Variants in SIK3 observed in about 807,000 individuals in gnomAD.
SIK3 encodes the protein serine/threonine-protein kinase SIK3.
A neutral mutation model predicts 144.2 loss-of-function variants in SIK3; 28 were observed. The ratio of observed to expected loss-of-function variants is 0.19; its 90% confidence interval spans 0.14 to 0.27. SIK3 has a LOEUF of 0.27. Ranked by LOEUF, SIK3 falls within the 10% of genes least tolerant of loss-of-function variation. The pLI, the probability that SIK3 is intolerant of heterozygous loss-of-function variation, is 1.00. For missense variants in SIK3, 1,319 were observed against 1,776.0 expected, an observed-to-expected ratio of 0.74 and a Z score of 4.62; for synonymous variants, 686 against 676.3, an observed-to-expected ratio of 1.01 and a Z score of -0.22.
rs188833611 is a variant in SIK3, at chr11:116,961,646, G to A, written c.274-4582C>T. Among the ~76,000 whole-genome samples, 330 of 152,242 alleles carry A rather than the reference G, an allele frequency of 2.2e-3. 1 individual carries two copies. The highest frequency in any genetic ancestry group is 3.5e-3 in the Non-Finnish European group (241 of 68,008). On this transcript the variant is annotated intron_variant, in intron 1 of 24. Coordinates refer to ENST00000445177, the MANE Select transcript of SIK3 (RefSeq NM_001366686.3). ...ACTTACATATGAAAATTATAACAAA[G>A]CAGAAAACTTCCAACATGTTACCAA... is the stretch of plus-strand genomic sequence containing the variant.
chr11:117,098,359 TC>T lies in SIK3; in HGVS notation c.56del (p.Gly19GlufsTer79), dbSNP rs1459648930. On this transcript the variant is annotated frameshift_variant, in exon 1 of 25. Transcript: ENST00000445177. LOFTEE classifies it high-confidence loss of function. ...GCAGCAGGCGGCCCGCGGGCCCGGC[TC>T]CCCCAGTCCCGGCCCCGGCAGCCCC... is the stretch of plus-strand genomic sequence containing the variant. ...AGGAAGAGTGGAGPAGRLLPP... is the reference protein window; with the variant it reads ...AGGAAGAGTGXAGPAGRLLPP... 8.7e-7 allele frequency: 1 copy of T among 1,151,442 alleles called. No homozygotes were observed. Among genetic ancestry groups the T allele is most frequent in the Non-Finnish European group, 1.1e-6 (1 of 941,252 alleles). 71.3% of individuals were successfully genotyped at this position (1,151,442 alleles called of 1,614,324 possible).
intron 6 of SIK3, among the ~76,000 whole-genome samples, chr11:116,895,239 C>A (rs1945334450): frequency 6.6e-6 from 1 of 152,182 alleles, no homozygotes; most frequent in Non-Finnish European, 1.5e-5. Context: ...CCCGCGGCCT[C>A]TGCGCTGACC....
In SIK3 at chr11:116,998,339, C is replaced by T. The variant is rs547972833; in HGVS notation, c.274-41275G>A. ...ACAAAAAATTAGCCAGGCATGGTGG[C>T]GCACGCCTGTAGTCCCAGCTACTCA... is the stretch of plus-strand genomic sequence containing the variant. On this transcript the variant is annotated intron_variant, in intron 1 of 24. Transcript: ENST00000445177. Among the ~76,000 whole-genome samples the T allele has an allele frequency of 4.3e-4, 66 of 151,810 alleles. 1 individual carries two copies. Among genetic ancestry groups the T allele is most frequent in the East Asian group, 1.9e-3 (10 of 5,142 alleles).
At chr11:117,039,344 CACTT>C (rs960429463) in intron 1 of SIK3, among the ~76,000 whole-genome samples, 5 of 152,154 alleles carry the variant, frequency 3.3e-5, no homozygotes, top group African/African-American at 1.2e-4. Flanking sequence ...GTCTTGAACT[CACTT>C]AAGTGATCCT....
chr11:116,988,505 C>A (rs1950397739), intron 1 of SIK3, among the ~76,000 whole-genome samples: 1 of 151,846 alleles, frequency 6.6e-6, no homozygotes, highest in Non-Finnish European at 1.5e-5. Flanking sequence ...ATTGGCCCAG[C>A]CAGTGGTGCT....
chr11:116,846,269 G>A lies in SIK3; in HGVS notation c.*13+114C>T, dbSNP rs1476609585. 9 of 1,061,214 alleles carry A rather than the reference G, an allele frequency of 8.5e-6. No individual in the cohort carries two copies. The Admixed American group carries it at 9.0e-5, about 11-fold the overall frequency. The allele number at this position is 1,061,214 out of a possible 1,614,324, so 65.7% of individuals were successfully genotyped here. A position where few individuals can be genotyped will look rare whatever the true frequency, so the allele number is the denominator to read the frequency against. On this transcript the variant is annotated intron_variant, in intron 24 of 24. Coordinates refer to ENST00000445177, the MANE Select transcript of SIK3 (RefSeq NM_001366686.3). The surrounding 1 kb of genome is among the most constrained non-coding windows in gnomAD (Gnocchi z 4.1). ...AACTGTGAAGGCCACGAGGGGAGGC[G>A]TGGTACTGTCGACTGCACTGGCCAC...
intron 3 of SIK3, among the ~76,000 whole-genome samples, chr11:116,938,577 G>A (rs189068989): frequency 0.044 from 603 of 13,796 alleles, 28 homozygotes; most frequent in African/African-American, 0.16. Flanking sequence ...GGAGGGGAGG[G>A]GAGGGGAGGA....
At chr11:117,093,307 C>T (rs1955327088) in intron 1 of SIK3, among the ~76,000 whole-genome samples, 2 of 152,156 alleles carry the variant, frequency 1.3e-5, no homozygotes, top group South Asian at 2.1e-4. Flanking sequence ...ACTTGTTCTC[C>T]TCATGGAAAT....
chr11:117,025,415 C>A (rs1010378890), intron 1 of SIK3, among the ~76,000 whole-genome samples: 2 of 152,154 alleles, frequency 1.3e-5, no homozygotes, highest in African/African-American at 4.8e-5. Context: ...GTTTCCTCAT[C>A]ACAAAATGTG....
chr11:117,057,002 T>G (rs1162460930), intron 1 of SIK3, among the ~76,000 whole-genome samples: 6 of 152,244 alleles, frequency 3.9e-5, no homozygotes, highest in African/African-American at 1.4e-4. Flanking sequence ...ACCATTTCTT[T>G]AGAGATAATT....
chr11:117,052,907 G>A (rs1165465211), intron 1 of SIK3, among the ~76,000 whole-genome samples: 1 of 152,176 alleles, frequency 6.6e-6, no homozygotes, highest in Non-Finnish European at 1.5e-5. Context: ...GGAGGACCTG[G>A]CACTTTATTC....
chr11:117,091,204 T>TC (rs1468067348), intron 1 of SIK3, among the ~76,000 whole-genome samples: 6 of 141,370 alleles, frequency 4.2e-5, no homozygotes, highest in East Asian at 4.0e-4. Context: ...TTTTTTCTTT[T>TC]TTTTTTTTTT....
At chr11:116,958,865 G>T (rs1949239889) in intron 1 of SIK3, among the ~76,000 whole-genome samples, 1 of 152,162 alleles carries the variant, frequency 6.6e-6, no homozygotes, top group Non-Finnish European at 1.5e-5. Flanking sequence ...ATCTGCTCCT[G>T]CTTCTCTCAG....
intron 4 of SIK3, among the ~76,000 whole-genome samples, chr11:116,905,535 TCCAA>T (rs1263653540): frequency 1.2e-4 from 18 of 152,212 alleles, no homozygotes; most frequent in African/African-American, 4.1e-4. Context: ...CAAACTGCTA[TCCAA>T]AGTGGCCGTA....
intron 9 of SIK3, 137 bp from the exon 10 acceptor site, chr11:116,875,588 CACA>C: frequency 2.1e-6 from 2 of 963,678 alleles, no homozygotes; most frequent in Non-Finnish European, 3.0e-6. Flanking sequence ...CCTTAGAAGT[CACA>C]ACAAGGAAGC....
Position 116,846,304 on chromosome 11 carries a change from TG to T in SIK3, c.*13+78del. ...CGACTGCACTGGCCACCACAACACA[TG>T]GGCTGAAGCTCCTGATGGGATTGGG... On this transcript the variant is annotated intron_variant, in intron 24 of 24. Coordinates refer to ENST00000445177, the MANE Select transcript of SIK3 (RefSeq NM_001366686.3). This position sits in a 1 kb window ranked among gnomAD's most constrained non-coding sequence, Gnocchi z 4.1. 6.8e-7 allele frequency: 1 copy of T among 1,471,358 alleles called. No individual in the cohort carries two copies. The highest frequency in any genetic ancestry group is 9.3e-7 in the Non-Finnish European group (1 of 1,072,404). The allele number at this position is 1,471,358 out of a possible 1,614,324, so 91.1% of individuals were successfully genotyped here. A position where few individuals can be genotyped will look rare whatever the true frequency, so the allele number is the denominator to read the frequency against.
chr11:116,898,550 A>C (rs1324026766), intron 4 of SIK3, among the ~76,000 whole-genome samples: 1 of 152,102 alleles, frequency 6.6e-6, no homozygotes, highest in Non-Finnish European at 1.5e-5. Flanking sequence ...GAATCACCAC[A>C]CTGACTTCCA....
At chr11:117,080,676 G>A (rs1316961150) in intron 1 of SIK3, among the ~76,000 whole-genome samples, 7 of 152,064 alleles carry the variant, frequency 4.6e-5, no homozygotes, top group East Asian at 1.9e-4. Context: ...GGCTGGGCAC[G>A]CTGACTCACA....
intron 6 of SIK3, among the ~76,000 whole-genome samples, chr11:116,880,206 T>C (rs1944474571): frequency 6.6e-6 from 1 of 151,900 alleles, no homozygotes; most frequent in African/African-American, 2.4e-5. Flanking sequence ...TAATAATTCC[T>C]AATTAGAAGA....
Sources: allele counts gnomAD v4.1 joint callset (sites outside exome capture counted in the v4.1 genomes callset), GRCh38; gene constraint gnomAD v4.1.1; non-coding constraint Gnocchi (gnomAD v3.1); transcripts MANE v1.5; gene names NCBI Gene and HGNC (gene_info 2026-07-23, HGNC 2026-07-21).